The following TOM1 variants were observed in gnomAD, a reference collection of about 807,000 sequenced individuals.
TOM1 encodes the protein target of myb1 membrane trafficking protein, also known as target of Myb protein 1.
TOM1 carries 38 observed loss-of-function variants against 61.3 expected under a neutral mutation model. That is an observed-to-expected ratio of 0.62 (90% CI 0.48 to 0.81). The LOEUF (loss-of-function observed/expected upper bound fraction) is 0.81, where lower values mean the gene tolerates loss of function less well. Ranked by LOEUF, TOM1 falls within the 40% of genes least tolerant of loss-of-function variation. TOM1 has a pLI of 0.00. For synonymous variants in TOM1, 270 were observed against 268.8 expected (o/e 1.00, Z -0.04); for missense variants, 591 against 659.6 (o/e 0.90, Z 1.14).
chr22:35,330,212 A>G, intron 7 of TOM1, 135 bp from the exon 8 acceptor site: 2 of 850,974 alleles, frequency 2.4e-6, no homozygotes, highest in Non-Finnish European at 3.6e-6. Context: ...TGAACCCAGG[A>G]CACAGCTTGC....
At position 35,305,261 on chromosome 22, in the gene TOM1, G is replaced by A. The variant is rs115621935; in HGVS notation, c.52+5281G>A. On this transcript the variant is annotated intron_variant, in intron 1 of 14. Coordinates refer to ENST00000449058, the MANE Select transcript of TOM1 (RefSeq NM_005488.3). The stretch of plus-strand genomic sequence containing the variant: ...TCTCCATTGCCCATCTCCCCTATTG[G>A]CAACACAGAGGTGCTGTCATTCTCC... Among the ~76,000 whole-genome samples, 1,410 of 152,324 alleles carry A rather than the reference G, an allele frequency of 9.3e-3. 18 individuals carry two copies. Among genetic ancestry groups the A allele is most frequent in the African/African-American group, 0.032 (1,333 of 41,564 alleles).
intron 12 of TOM1, chr22:35,345,507 T>C (rs770271834): frequency 1.2e-5 from 7 of 599,744 alleles, no homozygotes; most frequent in African/African-American, 1.9e-5. Context: ...CTGGCCCTGC[T>C]CCAGCTGCTG....
chr22:35,317,881 A>G lies in TOM1; in HGVS notation c.57A>G (p.Lys19=), dbSNP rs1387159817. 1 of 1,613,894 alleles carries G rather than the reference A, an allele frequency of 6.2e-7. No individual in the cohort carries two copies. Among genetic ancestry groups the G allele is most frequent in the Non-Finnish European group, 8.5e-7 (1 of 1,179,928 alleles). The change falls in exon 2 of 15, where the codon AAA becomes AAG. Residue 19 remains lysine (K), a synonymous_variant. Coordinates refer to ENST00000449058, the MANE Select transcript of TOM1 (RefSeq NM_005488.3). ...TGACTCCTGGTTTCTTCTCAGAGAA[A>G]GCCACAGATGGCTCCCTGCAGAGCG... The part of the protein sequence containing the change: ...FSSPVGQRIE[K]ATDGSLQSED...
intron 11 of TOM1, among the ~76,000 whole-genome samples, chr22:35,337,338 A>C (rs751867925): frequency 7.9e-5 from 12 of 152,202 alleles, no homozygotes; most frequent in Non-Finnish European, 1.5e-4. Flanking sequence ...TAGAGACAGC[A>C]ACAAGCACCT....
chr22:35,345,602 C>A, intron 12 of TOM1, 123 bp from the exon 13 acceptor site: 1 of 930,560 alleles, frequency 1.1e-6, no homozygotes, highest in Non-Finnish European at 1.7e-6. Flanking sequence ...TGGGTCCGGG[C>A]AGCTAGGCAG....
At chr22:35,346,485 G>A (rs1325643023) in intron 13 of TOM1, among the ~76,000 whole-genome samples, 2 of 152,212 alleles carry the variant, frequency 1.3e-5, no homozygotes, top group Non-Finnish European at 2.9e-5. Flanking sequence ...CTAGTTTGCA[G>A]TGTTAGCATG....
intron 2 of TOM1, among the ~76,000 whole-genome samples, chr22:35,318,815 T>A (rs1927527784): frequency 6.6e-6 from 1 of 152,158 alleles, no homozygotes; most frequent in Non-Finnish European, 1.5e-5. Context: ...TCCTGAGAAA[T>A]CAGTGTGGAC....
intron 7 of TOM1, among the ~76,000 whole-genome samples, chr22:35,328,897 G>T (rs1029881924): frequency 1.3e-5 from 2 of 152,230 alleles, no homozygotes; most frequent in Non-Finnish European, 2.9e-5. Context: ...CTGGTGGCAG[G>T]TACCTGAAGA....
intron 7 of TOM1, among the ~76,000 whole-genome samples, chr22:35,328,439 G>C (rs377287426): frequency 4.5e-4 from 68 of 152,266 alleles, no homozygotes; most frequent in African/African-American, 1.6e-3. Context: ...ACGTAATCCT[G>C]ACCACCCCCA....
At chr22:35,303,060 A>G (rs1488317293) in intron 1 of TOM1, among the ~76,000 whole-genome samples, 1 of 151,984 alleles carries the variant, frequency 6.6e-6, no homozygotes, top group African/African-American at 2.4e-5. Flanking sequence ...TCAGATGGTG[A>G]TTCTAATGAT....
At chr22:35,339,224 G>A (rs571275162) in intron 12 of TOM1, among the ~76,000 whole-genome samples, 11 of 152,246 alleles carry the variant, frequency 7.2e-5, no homozygotes, top group South Asian at 4.2e-4. Context: ...CCAGCTACTC[G>A]GGAGGCTAAA....
At position 35,347,090 on chromosome 22, in the gene TOM1, G is replaced by A. The variant is rs200205732; in HGVS notation, c.1360G>A (p.Ala454Thr). 1.5e-4 allele frequency: 245 copies of A among 1,610,338 alleles called. No individual in the cohort carries two copies. The highest frequency in any genetic ancestry group is 1.0e-3 in the East Asian group (45 of 44,648). Residue 454 changes from alanine (A) to threonine (T), a missense_variant, in exon 15 of 15, where the codon GCG (alanine) becomes ACG (threonine). Coordinates refer to ENST00000449058, the MANE Select transcript of TOM1 (RefSeq NM_005488.3). ...DKFLEERAKA[A>T]DRLPNLSSPS... ...ATTCCTGGAAGAACGGGCCAAAGCC[G>A]CGGACCGATTGCCCAACCTCTCCAG...
intron 1 of TOM1, among the ~76,000 whole-genome samples, chr22:35,303,616 G>A (rs181955155): frequency 2.0e-5 from 3 of 150,316 alleles, no homozygotes; most frequent in African/African-American, 7.3e-5. Flanking sequence ...TCCTGCCTCA[G>A]CCTCCCGAGT....
chr22:35,334,296 G>A (rs1025586337), intron 10 of TOM1, 32 bp from the exon 11 acceptor site: 1 of 1,595,810 alleles, frequency 6.3e-7, no homozygotes, highest in Non-Finnish European at 8.6e-7. Context: ...GCTTGTGGAT[G>A]GGTCTTTCAC....
At chr22:35,302,330 C>CTTTTTTTTTTTTT (rs138734) in intron 1 of TOM1, among the ~76,000 whole-genome samples, 12 of 70,916 alleles carry the variant, frequency 1.7e-4, no homozygotes, top group Non-Finnish European at 2.8e-4. Flanking sequence ...TTTTCTTTTT[C>CTTTTTTTTTTTTT]TTTTTTTTTT....
chr22:35,329,058 C>A (rs950007771), intron 7 of TOM1, among the ~76,000 whole-genome samples: 10 of 152,144 alleles, frequency 6.6e-5, no homozygotes, highest in African/African-American at 2.2e-4. Flanking sequence ...TGGGTTCAAG[C>A]TATTCTCCTG....
chr22:35,326,212 T>C (rs1256602904), intron 6 of TOM1, among the ~76,000 whole-genome samples: 1 of 152,226 alleles, frequency 6.6e-6, no homozygotes, highest in Non-Finnish European at 1.5e-5. Context: ...AAATCAACTA[T>C]AACTCAGCCA....
chr22:35,332,649 A>C (rs1479628241), intron 8 of TOM1, among the ~76,000 whole-genome samples: 1 of 152,132 alleles, frequency 6.6e-6, no homozygotes, highest in African/African-American at 2.4e-5. Context: ...TTCATAAGAC[A>C]GTCCTTACCT....
In TOM1 at chr22:35,322,030, C is replaced by G; in HGVS notation, c.209C>G (p.Ala70Gly). 1 of 1,614,082 alleles carries G rather than the reference C, an allele frequency of 6.2e-7. No individual in the cohort carries two copies. Among genetic ancestry groups the G allele is most frequent in the Non-Finnish European group, 8.5e-7 (1 of 1,179,958 alleles). ...AAGAACTTCCACGAGGTGATGCTGG[C>G]TCTCACAGTGAGTGCCCCATCTGTC... ...GNKNFHEVML[A>G]LTVLETCVKN... The change falls in exon 3 of 15, where the codon GCT becomes GGT. Residue 70 changes from alanine to glycine, a missense_variant. Ala to Gly is a moderately conservative substitution (Grantham distance 60, BLOSUM62 0). Transcript: ENST00000449058.
Sources: allele counts gnomAD v4.1 joint callset (sites outside exome capture counted in the v4.1 genomes callset), GRCh38; gene constraint gnomAD v4.1.1; transcripts MANE v1.5; gene names NCBI Gene and HGNC (gene_info 2026-07-23, HGNC 2026-07-21).